The following FAM170A variants were observed in gnomAD, a reference collection of about 807,000 sequenced individuals.
FAM170A encodes the protein family with sequence similarity 170 member A, also known as protein FAM170A.
In FAM170A, 28 loss-of-function variants were observed where a neutral mutation model predicts 36.6. That is an observed-to-expected ratio of 0.76 (90% CI 0.57 to 1.05). The LOEUF is 1.05. FAM170A is among the 50% of genes least tolerant of loss of function. The pLI is 0.00. For missense variants in FAM170A, 434 were observed against 396.5 expected, an observed-to-expected ratio of 1.09 and a Z score of -0.80; for synonymous variants, 156 against 143.9, an observed-to-expected ratio of 1.08 and a Z score of -0.60.
Position 119,634,747 on chromosome 5 carries a change from T to G in FAM170A, c.986+13T>G. The G allele has an allele frequency of 6.6e-7, 1 of 1,525,708 alleles. No homozygotes were observed. Among genetic ancestry groups the G allele is most frequent in the South Asian group, 1.3e-5 (1 of 75,440 alleles). The allele number at this position is 1,525,708 out of a possible 1,614,324, so 94.5% of individuals were successfully genotyped here. A position where few individuals can be genotyped will look rare whatever the true frequency, so the allele number is the denominator to read the frequency against. On this transcript the variant is annotated intron_variant, in intron 3 of 4. Coordinates refer to ENST00000613773, the Ensembl canonical transcript of FAM170A. ...CAAAGGACAGGAAGTGAGCAAAGCC[T>G]GGGTTGTGGGTCTGCTGAGGGAGCA...
At chr5:119,630,058 A>AT (rs1554073848) in intron 1 of FAM170A, among the ~76,000 whole-genome samples, 1 of 146,564 alleles carries the variant, frequency 6.8e-6, no homozygotes, top group South Asian at 2.2e-4. Context: ...CGCCCGGCTA[A>AT]TTTTTTGTAT....
intron 1 of FAM170A, among the ~76,000 whole-genome samples, chr5:119,631,338 A>G (rs1428181961): frequency 1.3e-5 from 2 of 152,086 alleles, no homozygotes; most frequent in African/African-American, 4.8e-5. Flanking sequence ...GGGGAAGGCA[A>G]TGGTTTTCCT....
At chr5:119,631,449 A>G (rs754822714) in intron 1 of FAM170A, among the ~76,000 whole-genome samples, 6 of 151,938 alleles carry the variant, frequency 3.9e-5, no homozygotes, top group Non-Finnish European at 8.8e-5. Flanking sequence ...GACTGGAGAT[A>G]ATGGGAGCAC....
At chr5:119,632,910 G>A (rs371253110) in intron 2 of FAM170A, 22 bp downstream of exon 2, 133 of 1,557,634 alleles carry the variant, frequency 8.5e-5, no homozygotes, top group Middle Eastern at 1.7e-4. Flanking sequence ...GGGTTCCTTC[G>A]GCACGTGGCT....
At chr5:119,634,833 T>C in intron 3 of FAM170A, 99 bp downstream of exon 3, 1 of 1,349,084 alleles carries the variant, frequency 7.4e-7, no homozygotes, top group Non-Finnish European at 1.0e-6. Flanking sequence ...TAAGGAAGAT[T>C]TGGGGGCTTT....
chr5:119,632,974 G>A lies in FAM170A; in HGVS notation c.211+86G>A, dbSNP rs113286225. On this transcript the variant is annotated intron_variant, in intron 2 of 4. Coordinates refer to ENST00000613773, the Ensembl canonical transcript of FAM170A. ...AAATATTTGAGTGTGGGGCTCTGTG[G>A]GCATGAGACTCTTTGGTTGCAGTGC... is the stretch of plus-strand genomic sequence containing the variant. 2.9e-4 allele frequency: 416 copies of A among 1,411,658 alleles called. No individual in the cohort carries two copies. The African/African-American group carries it at 4.9e-3, about 17-fold the overall frequency. The allele number at this position is 1,411,658 out of a possible 1,614,324, so 87.4% of individuals were successfully genotyped here. A position where few individuals can be genotyped will look rare whatever the true frequency, so the allele number is the denominator to read the frequency against.
chr5:119,631,619 C>G (rs1034550402), intron 1 of FAM170A, among the ~76,000 whole-genome samples: 2 of 152,138 alleles, frequency 1.3e-5, no homozygotes, highest in African/African-American at 4.8e-5. Flanking sequence ...AGTCACACAC[C>G]TCCACACACA....
At chr5:119,630,985 G>A (rs891067462) in intron 1 of FAM170A, among the ~76,000 whole-genome samples, 1 of 152,230 alleles carries the variant, frequency 6.6e-6, no homozygotes, top group Non-Finnish European at 1.5e-5. Flanking sequence ...GATTGCTTCA[G>A]CGGGAAGAAT....
At chr5:119,632,887 T>C in exon 2 of FAM170A, 1 of 1,596,928 alleles carries the variant, frequency 6.3e-7, no homozygotes, top group South Asian at 1.1e-5. Context: ...TCATCCACAG[T>C]GGTAAGGGTG....
chr5:119,630,016 C>T (rs1198941774), intron 1 of FAM170A, among the ~76,000 whole-genome samples, 178 bp downstream of exon 1: 3 of 152,036 alleles, frequency 2.0e-5, no homozygotes, highest in East Asian at 1.9e-4. Context: ...CTCAGCCTCC[C>T]GAGTAGCTGG....
At chr5:119,632,037 A>G (rs887375453) in intron 1 of FAM170A, among the ~76,000 whole-genome samples, 1 of 152,246 alleles carries the variant, frequency 6.6e-6, no homozygotes, top group African/African-American at 2.4e-5. Flanking sequence ...AATAAGTATG[A>G]CAAATATTGC....
exon 1 of FAM170A, chr5:119,629,756 T>C: frequency 6.2e-7 from 1 of 1,610,378 alleles, no homozygotes; most frequent in Non-Finnish European, 8.5e-7. Flanking sequence ...TAGAAACTCT[T>C]CTAGCTGATA....
At chr5:119,634,163 G>A (rs1423201615) in exon 3 of FAM170A, 1 of 1,614,240 alleles carries the variant, frequency 6.2e-7, no homozygotes, top group Non-Finnish European at 8.5e-7. Flanking sequence ...GAACAAAGGT[G>A]TGGCTGTCTC....
At chr5:119,635,459 A>G (rs1173870976) in intron 4 of FAM170A, among the ~76,000 whole-genome samples, 2 of 152,216 alleles carry the variant, frequency 1.3e-5, no homozygotes, top group African/African-American at 4.8e-5. Context: ...ACCTGAGCCC[A>G]TAGATATAGC....
Position 119,634,421 on chromosome 5 carries a change from G to A in FAM170A, c.673G>A (p.Glu225Lys). 6.2e-7 allele frequency: 1 copy of A among 1,614,160 alleles called. No individual in the cohort carries two copies. Among genetic ancestry groups the A allele is most frequent in the Non-Finnish European group, 8.5e-7 (1 of 1,180,040 alleles). ...GACTCCTGACTGGCTGGTGACCATG[G>A]AGAACGGCTTCAGGTGCATGGCCTG... The change falls in exon 3 of 5, where the codon GAG becomes AAG. Residue 225 changes from glutamate (E) to lysine (K), a missense_variant. By Grantham distance (56) the Glu-to-Lys change is moderately conservative (BLOSUM62 1). Coordinates refer to ENST00000613773, the Ensembl canonical transcript of FAM170A.
rs751269432 is a variant in FAM170A, at chr5:119,635,011, G to C, written c.987-20G>C. The stretch of plus-strand genomic sequence containing the variant: ...ATTAACTAAGAAGTGTCTTTCTTTG[G>C]TTTGATTTTCACACAGCAGCTGAGA... On this transcript the variant is annotated intron_variant, in intron 3 of 4. Transcript: ENST00000613773. 4.3e-6 allele frequency: 7 copies of C among 1,613,938 alleles called. No individual in the cohort carries two copies. The highest frequency in any genetic ancestry group is 1.6e-4 in the Middle Eastern group (1 of 6,062).
chr5:119,632,669 G>A (rs930708918), intron 1 of FAM170A, 79 bp from the exon 2 acceptor site: 1 of 1,377,408 alleles, frequency 7.3e-7, no homozygotes, highest in Non-Finnish European at 9.8e-7. Context: ...CAGCCACTCA[G>A]TAAATATTTG....
chr5:119,631,165 T>C (rs1187809680), intron 1 of FAM170A, among the ~76,000 whole-genome samples: 1 of 152,190 alleles, frequency 6.6e-6, no homozygotes, highest in Non-Finnish European at 1.5e-5. Flanking sequence ...GATGCTCACA[T>C]GCAGGAGACA....
chr5:119,629,880 C>G, intron 1 of FAM170A, 42 bp downstream of exon 1: 3 of 1,458,212 alleles, frequency 2.1e-6, no homozygotes, highest in Non-Finnish European at 2.9e-6. Flanking sequence ...GCGTCACTGG[C>G]CAGCCTGAGC....
Sources: gnomAD v4.1 joint callset for allele counts (sites outside exome capture counted in the v4.1 genomes callset) on GRCh38, gnomAD v4.1.1 for gene constraint, MANE v1.5 for transcripts, NCBI Gene and HGNC (gene_info 2026-07-23, HGNC 2026-07-21) for gene names.